KCNIP4: variants seen among roughly 807,000 people sequenced by gnomAD.
The protein encoded by KCNIP4 is potassium voltage-gated channel interacting protein 4, also known as Kv channel-interacting protein 4.
In KCNIP4, 12 loss-of-function variants were observed where a neutral mutation model predicts 34.0. The ratio of observed to expected loss-of-function variants is 0.35; its 90% CI spans 0.23 to 0.57. KCNIP4 has a LOEUF of 0.57. Ranked by LOEUF, KCNIP4 falls within the 20% of genes least tolerant of loss-of-function variation. The probability of loss-of-function intolerance (pLI) is 0.83; values close to 1 mark genes in which losing one functional copy is unlikely to be tolerated. For synonymous variants in KCNIP4, 124 were observed against 102.2 expected, an observed-to-expected ratio of 1.21 and a Z score of -1.29; for missense variants, 238 against 311.7, an observed-to-expected ratio of 0.76 and a Z score of 1.78.
chr4:20,730,117 T>G lies in KCNIP4; in HGVS notation c.718A>C (p.Met240Leu). The part of the protein sequence containing the change: ...IESCQKDENI[M>L]RSMQLFENVI Reference sequence around the variant, plus strand: ...TTTTCAAAGAGCTGCATGGAGCGCATTATGTTTTCATCCTGTAAGGGAGAA... The same window carrying G: ...TTTTCAAAGAGCTGCATGGAGCGCAGTATGTTTTCATCCTGTAAGGGAGAA... Residue 240 changes from methionine (M) to leucine (L), a missense_variant, in exon 9 of 9, where the codon ATG (methionine) becomes CTG (leucine). Physicochemically the swap from Met to Leu is conservative, Grantham distance 15. Transcript: ENST00000382152. 1 of 1,608,602 alleles carries G rather than the reference T, an allele frequency of 6.2e-7. No individual in the cohort carries two copies. Among genetic ancestry groups the G allele is most frequent in the Non-Finnish European group, 8.5e-7 (1 of 1,178,176 alleles).
At chr4:21,300,370 A>T (rs78670296) in intron 1 of KCNIP4, among the ~76,000 whole-genome samples, 1 of 152,162 alleles carries the variant, frequency 6.6e-6, no homozygotes, top group Non-Finnish European at 1.5e-5. Flanking sequence ...CTCCCCACTA[A>T]GTAGAGAGAG....
chr4:21,070,631 T>C (rs1744806410), intron 1 of KCNIP4, among the ~76,000 whole-genome samples: 1 of 151,490 alleles, frequency 6.6e-6, no homozygotes, highest in Admixed American at 6.6e-5. Context: ...ATTTTCTATT[T>C]GAATTGTCTG....
chr4:21,905,439 T>A (rs1012300452), intron 1 of KCNIP4, among the ~76,000 whole-genome samples: 3 of 152,132 alleles, frequency 2.0e-5, no homozygotes, highest in African/African-American at 7.2e-5. Flanking sequence ...AGTTTTAGGG[T>A]ACATGTGCAC....
At chr4:21,566,730 G>A (rs1214066254) in intron 1 of KCNIP4, among the ~76,000 whole-genome samples, 1 of 152,142 alleles carries the variant, frequency 6.6e-6, no homozygotes, top group African/African-American at 2.4e-5. Context: ...AGACATTTGG[G>A]AGTAAGAAGA....
At chr4:20,857,610 T>G (rs1488155228) in intron 2 of KCNIP4, among the ~76,000 whole-genome samples, 1 of 152,148 alleles carries the variant, frequency 6.6e-6, no homozygotes, top group African/African-American at 2.4e-5. Context: ...TCCATATATA[T>G]GCATAGGGAC....
intron 1 of KCNIP4, among the ~76,000 whole-genome samples, chr4:21,648,470 T>C (rs1389878645): frequency 6.6e-6 from 1 of 152,186 alleles, no homozygotes; most frequent in Non-Finnish European, 1.5e-5. Context: ...ATTCCTGGAC[T>C]CTGGTAAATT....
Position 21,589,173 on chromosome 4 carries a change from T to TGTAC in KCNIP4, c.61+359397_61+359398insGTAC, listed in dbSNP as rs1560540118. Among the ~76,000 whole-genome samples, 67 of 58,460 alleles carry TGTAC rather than the reference T, an allele frequency of 1.1e-3. 2 individuals are homozygous for TGTAC. The highest frequency in any genetic ancestry group is 3.6e-3 in the African/African-American group (55 of 15,110). 38.4% of individuals were successfully genotyped at this position (58,460 alleles called of 152,430 possible). A position where few individuals can be genotyped will look rare whatever the true frequency, so the allele number is the denominator to read the frequency against. ...GGAGGTGTGTATATATATATATATA[T>TGTAC]ATATATATATATATATATATATATA... On this transcript the variant is annotated intron_variant, in intron 1 of 8. Coordinates refer to ENST00000382152, the MANE Select transcript of KCNIP4 (RefSeq NM_025221.6).
intron 1 of KCNIP4, among the ~76,000 whole-genome samples, chr4:21,784,560 T>C (rs1395830039): frequency 6.6e-6 from 1 of 152,142 alleles, no homozygotes; most frequent in African/African-American, 2.4e-5. Context: ...CAAGAATGTT[T>C]TCTGGAAACT....
At chr4:21,187,481 T>C (rs557865203) in intron 1 of KCNIP4, among the ~76,000 whole-genome samples, 1 of 152,354 alleles carries the variant, frequency 6.6e-6, no homozygotes, top group South Asian at 2.1e-4. Flanking sequence ...CTGAGATTTC[T>C]ACCTAATTCG....
intron 3 of KCNIP4, among the ~76,000 whole-genome samples, chr4:20,783,604 C>T (rs1241999628): frequency 6.6e-6 from 1 of 152,126 alleles, no homozygotes; most frequent in Admixed American, 6.6e-5. Flanking sequence ...TAAATTAGCT[C>T]CCACTGGGTC....
chr4:21,705,506 C>T (rs113902480), intron 1 of KCNIP4, among the ~76,000 whole-genome samples: 2,326 of 152,182 alleles, frequency 0.015, 68 homozygotes, highest in African/African-American at 0.052. Context: ...CTATGCACTA[C>T]TGTTTTAGGT....
At chr4:21,009,915 T>A (rs1365201975) in intron 1 of KCNIP4, among the ~76,000 whole-genome samples, 1 of 152,196 alleles carries the variant, frequency 6.6e-6, no homozygotes, top group Non-Finnish European at 1.5e-5. Context: ...GTCAGCTACA[T>A]CTGCCATAAC....
At chr4:21,309,193 G>C (rs1178560307) in intron 1 of KCNIP4, among the ~76,000 whole-genome samples, 2 of 152,146 alleles carry the variant, frequency 1.3e-5, no homozygotes, top group African/African-American at 4.8e-5. Flanking sequence ...CTAGATTCCA[G>C]GCTGGGAAGG....
intron 1 of KCNIP4, among the ~76,000 whole-genome samples, chr4:21,496,969 C>T (rs868410918): frequency 6.6e-6 from 1 of 152,182 alleles, no homozygotes; most frequent in Non-Finnish European, 1.5e-5. Flanking sequence ...TGCTGGCTTA[C>T]AGGATAAAGT....
At chr4:21,015,323 G>A (rs1368436547) in intron 1 of KCNIP4, among the ~76,000 whole-genome samples, 1 of 147,778 alleles carries the variant, frequency 6.8e-6, no homozygotes, top group Non-Finnish European at 1.5e-5. Flanking sequence ...GACAGAGAGA[G>A]AGGTAGAGAG....
chr4:21,274,037 A>AG (rs1249302457), intron 1 of KCNIP4, among the ~76,000 whole-genome samples: 1 of 152,234 alleles, frequency 6.6e-6, no homozygotes, highest in African/African-American at 2.4e-5. Context: ...GATTAGACTA[A>AG]GGGTCTGCTT....
chr4:21,606,266 G>C (rs1406520622), intron 1 of KCNIP4, among the ~76,000 whole-genome samples: 1 of 152,152 alleles, frequency 6.6e-6, no homozygotes, highest in Non-Finnish European at 1.5e-5. Context: ...TAATAACATT[G>C]AGACTCGATA....
intron 1 of KCNIP4, among the ~76,000 whole-genome samples, chr4:21,330,142 G>A (rs953640214): frequency 1.3e-5 from 2 of 152,160 alleles, no homozygotes; most frequent in Non-Finnish European, 2.9e-5. Context: ...TAAATGTGCA[G>A]TAGTGTTCAA....
At chr4:21,124,380 C>T (rs1750434764) in intron 1 of KCNIP4, among the ~76,000 whole-genome samples, 1 of 152,130 alleles carries the variant, frequency 6.6e-6, no homozygotes, top group Admixed American at 6.5e-5. Flanking sequence ...GGGAAAAGTG[C>T]CTCTCTGCTA....
Sources: gnomAD v4.1 joint callset for allele counts (sites outside exome capture counted in the v4.1 genomes callset) on GRCh38, gnomAD v4.1.1 for gene constraint, MANE v1.5 for transcripts, NCBI Gene and HGNC (gene_info 2026-07-23, HGNC 2026-07-21) for gene names.